OSBPL9: variants seen among roughly 807,000 people sequenced by gnomAD.
The protein encoded by OSBPL9 is oxysterol-binding protein-related protein 9.
In OSBPL9, 40 loss-of-function variants were observed where a neutral mutation model predicts 106.6. The observed-to-expected ratio is 0.38, with a 90% CI of 0.29 to 0.49. OSBPL9 has a LOEUF of 0.49. Among genes scored for constraint, OSBPL9 ranks in the 20% least tolerant of loss-of-function variants. OSBPL9 has a pLI of 0.97. For missense variants in OSBPL9, 609 were observed against 887.2 expected (o/e 0.69, Z 3.98); for synonymous variants, 269 against 295.4 (o/e 0.91, Z 0.92).
intron 7 of OSBPL9, chr1:51,749,576 A>T (rs943006013): frequency 1.0e-5 from 4 of 396,074 alleles, no homozygotes; most frequent in African/African-American, 8.1e-5. Flanking sequence ...CTACCAAAGC[A>T]GTGGGATTAC....
chr1:51,642,958 A>G (rs973804572), intron 1 of OSBPL9, among the ~76,000 whole-genome samples: 1 of 152,242 alleles, frequency 6.6e-6, no homozygotes, highest in Non-Finnish European at 1.5e-5. Context: ...TTCTGTTGCT[A>G]TAACAGAATA....
intron 1 of OSBPL9, among the ~76,000 whole-genome samples, chr1:51,577,729 A>T (rs1645195009): frequency 6.6e-6 from 1 of 152,346 alleles, no homozygotes; most frequent in African/African-American, 2.4e-5. Flanking sequence ...GAGTACTTTC[A>T]TGCATCATCT....
At chr1:51,554,917 T>G in the OSBPL9 span, among the ~76,000 whole-genome samples, 2 of 152,218 alleles carry the variant, frequency 1.3e-5, no homozygotes, top group East Asian at 3.9e-4. Flanking sequence ...CCCAGGCTAC[T>G]GGCCCAGAGG....
At chr1:51,700,926 C>G (rs1657088745) in intron 3 of OSBPL9, among the ~76,000 whole-genome samples, 1 of 151,940 alleles carries the variant, frequency 6.6e-6, no homozygotes, top group African/African-American at 2.4e-5. Context: ...GTCAGTCCTT[C>G]TACACTTATT....
At chr1:51,646,383 T>C (rs1346515578) in intron 1 of OSBPL9, among the ~76,000 whole-genome samples, 3 of 152,210 alleles carry the variant, frequency 2.0e-5, no homozygotes, top group Non-Finnish European at 4.4e-5. Flanking sequence ...CTATTATAAA[T>C]GGAATTGTTT....
In OSBPL9 at chr1:51,741,164, A is replaced by G. The variant is rs116162925; in HGVS notation, c.319-4372A>G. On this transcript the variant is annotated intron_variant, in intron 4 of 23. Transcript: ENST00000428468. ...TATTTAACTTAAGTATTAGAAAGGT[A>G]GTAGGAAGTACCGACATACAGTTTT... 1.9e-3 allele frequency among the ~76,000 whole-genome samples: 294 copies of G among 152,326 alleles called. 2 individuals are homozygous for G. The highest frequency in any genetic ancestry group is 6.4e-3 in the African/African-American group (266 of 41,578).
chr1:51,784,395 T>G (rs1222269621), intron 19 of OSBPL9, 47 bp from the exon 20 acceptor site: 1 of 1,612,418 alleles, frequency 6.2e-7, no homozygotes, highest in Admixed American at 1.7e-5. Flanking sequence ...CCCTTCCCCC[T>G]CTTCCTCTTA....
chr1:51,592,217 C>T (rs1040729277), intron 1 of OSBPL9, among the ~76,000 whole-genome samples: 5 of 147,428 alleles, frequency 3.4e-5, no homozygotes, highest in Non-Finnish European at 4.4e-5. Context: ...CAGGTTCAAG[C>T]GATTCTCCTG....
intron 1 of OSBPL9, among the ~76,000 whole-genome samples, chr1:51,579,932 G>A (rs924926883): frequency 4.0e-5 from 6 of 151,892 alleles, no homozygotes; most frequent in Non-Finnish European, 8.8e-5. Context: ...AGGCTGTAAT[G>A]TACAGCAGAG....
At chr1:51,752,938 A>G (rs1669580316) in intron 8 of OSBPL9, among the ~76,000 whole-genome samples, 1 of 152,190 alleles carries the variant, frequency 6.6e-6, no homozygotes, top group African/African-American at 2.4e-5. Context: ...ACAAACATTC[A>G]GTCCATAACC....
chr1:51,711,435 T>A (rs1341864516), intron 3 of OSBPL9, among the ~76,000 whole-genome samples: 1 of 21,254 alleles, frequency 4.7e-5, no homozygotes, highest in Non-Finnish European at 9.4e-5. Flanking sequence ...CCTCACCTCC[T>A]GGACGGGGCG....
intron 3 of OSBPL9, among the ~76,000 whole-genome samples, chr1:51,705,867 T>C (rs530361178): frequency 6.6e-6 from 1 of 152,360 alleles, no homozygotes; most frequent in South Asian, 2.1e-4. Flanking sequence ...TATTAATTTT[T>C]TAAGGTCATG....
the OSBPL9 span, among the ~76,000 whole-genome samples, chr1:51,559,756 G>A: frequency 2.0e-5 from 3 of 152,036 alleles, no homozygotes; most frequent in African/African-American, 7.2e-5. Context: ...TTTTCAGTGG[G>A]GGGATAAGCA....
chr1:51,539,475 A>G, the OSBPL9 span, among the ~76,000 whole-genome samples: 2 of 152,036 alleles, frequency 1.3e-5, no homozygotes, highest in East Asian at 3.8e-4. Context: ...CCCCTCACCT[A>G]TTCTTTACCC....
upstream of OSBPL9, among the ~76,000 whole-genome samples, chr1:51,616,662 C>G (rs533719206): frequency 1.9e-4 from 29 of 152,238 alleles, no homozygotes; most frequent in Non-Finnish European, 3.5e-4. Flanking sequence ...TACCATTCCC[C>G]TCACCTGTCA....
At chr1:51,551,504 A>G in the OSBPL9 span, among the ~76,000 whole-genome samples, 1 of 152,186 alleles carries the variant, frequency 6.6e-6, no homozygotes, top group Non-Finnish European at 1.5e-5. Context: ...AAAATAATTT[A>G]CAGATAGTAT....
chr1:51,781,087 AC>A, intron 15 of OSBPL9, 76 bp from the exon 16 acceptor site: 1 of 1,422,444 alleles, frequency 7.0e-7, no homozygotes, highest in Admixed American at 1.9e-5. Context: ...ACTTAGGTGG[AC>A]CATGCTGGGG....
intron 4 of OSBPL9, among the ~76,000 whole-genome samples, chr1:51,735,932 A>G (rs1039274954): frequency 1.3e-5 from 2 of 152,238 alleles, no homozygotes; most frequent in Admixed American, 1.3e-4. Context: ...GCAGCCATAC[A>G]TTACAGCAAC....
chr1:51,773,232 C>T (rs549308853), intron 14 of OSBPL9, among the ~76,000 whole-genome samples: 44 of 152,266 alleles, frequency 2.9e-4, no homozygotes, highest in East Asian at 9.6e-4. Context: ...ACTACAGGCA[C>T]GCAAAATGAC....
Sources: gnomAD v4.1 joint callset for allele counts (sites outside exome capture counted in the v4.1 genomes callset) on GRCh38, gnomAD v4.1.1 for gene constraint, MANE v1.5 for transcripts, NCBI Gene and HGNC (gene_info 2026-07-23, HGNC 2026-07-21) for gene names.